The following LGSN variants were observed in gnomAD, a reference collection of about 807,000 sequenced individuals.
LGSN encodes lengsin, lens protein with glutamine synthetase domain.
LGSN carries 21 observed loss-of-function variants against 19.5 expected under a neutral mutation model. That is an observed-to-expected ratio of 1.07 (90% CI 0.76 to 1.55). LGSN has a LOEUF of 1.55. LGSN is among the 40% of genes most tolerant of loss of function. The pLI, the probability that LGSN is intolerant of heterozygous loss-of-function variation, is 0.00. For missense variants in LGSN, 673 were observed against 608.5 expected, an observed-to-expected ratio of 1.11 and a Z score of -1.12; for synonymous variants, 257 against 215.6, an observed-to-expected ratio of 1.19 and a Z score of -1.68.
At chr6:63,535,999 G>A in the LGSN span, among the ~76,000 whole-genome samples, 1 of 151,264 alleles carries the variant, frequency 6.6e-6, no homozygotes, top group Admixed American at 6.6e-5. Context: ...CCTGGAACTC[G>A]TGACATCAGG....
chr6:63,511,246 C>A, the LGSN span, among the ~76,000 whole-genome samples: 3 of 131,480 alleles, frequency 2.3e-5, no homozygotes, highest in Non-Finnish European at 3.3e-5. Context: ...AAATAGATTT[C>A]TTTTTTTTTT....
chr6:63,475,094 T>C, the LGSN span, among the ~76,000 whole-genome samples: 1 of 152,086 alleles, frequency 6.6e-6, no homozygotes, highest in Admixed American at 6.6e-5. Context: ...ATGACCTCTA[T>C]AAGGACAAAA....
the LGSN span, among the ~76,000 whole-genome samples, chr6:63,444,431 G>C: frequency 1.3e-5 from 2 of 152,160 alleles, no homozygotes; most frequent in African/African-American, 4.8e-5. Flanking sequence ...AATGCAAGAA[G>C]ACTGTTACAC....
At chr6:63,390,214 C>T in the LGSN span, among the ~76,000 whole-genome samples, 13 of 144,380 alleles carry the variant, frequency 9.0e-5, no homozygotes, top group East Asian at 2.6e-3. Flanking sequence ...ACTGCAACCT[C>T]CTTCTTCCAG....
intron 1 of LGSN, among the ~76,000 whole-genome samples, chr6:63,299,481 T>G (rs1768102968): frequency 1.3e-5 from 2 of 152,178 alleles, no homozygotes; most frequent in African/African-American, 2.4e-5. Context: ...GCTGTATGCA[T>G]TTGAGAGATA....
the LGSN span, among the ~76,000 whole-genome samples, chr6:63,339,620 T>C: frequency 6.6e-6 from 1 of 152,186 alleles, no homozygotes; most frequent in African/African-American, 2.4e-5. Flanking sequence ...TTGGTTTTTT[T>C]CCATCTATTC....
At chr6:63,512,906 T>A in the LGSN span, among the ~76,000 whole-genome samples, 20 of 152,246 alleles carry the variant, frequency 1.3e-4, no homozygotes, top group African/African-American at 4.8e-4. Flanking sequence ...TATTACACGT[T>A]GGGCACTGTT....
the LGSN span, among the ~76,000 whole-genome samples, chr6:63,544,645 A>G: frequency 6.6e-6 from 1 of 152,130 alleles, no homozygotes; most frequent in Non-Finnish European, 1.5e-5. Context: ...TATCTTCTAT[A>G]TGACCTTGAC....
At chr6:63,339,225 T>C in the LGSN span, among the ~76,000 whole-genome samples, 1 of 152,208 alleles carries the variant, frequency 6.6e-6, no homozygotes, top group Non-Finnish European at 1.5e-5. Flanking sequence ...TGATGTTTCT[T>C]TGTTGATTTT....
the LGSN span, among the ~76,000 whole-genome samples, chr6:63,370,169 G>A: frequency 6.6e-6 from 1 of 152,166 alleles, no homozygotes; most frequent in East Asian, 1.9e-4. Context: ...TTCATGCCAG[G>A]TAACATCCCC....
At chr6:63,400,786 G>A in the LGSN span, among the ~76,000 whole-genome samples, 1 of 152,214 alleles carries the variant, frequency 6.6e-6, no homozygotes, top group African/African-American at 2.4e-5. Context: ...CTCAGGTCAG[G>A]AGTTTGAGAC....
chr6:63,559,753 A>G, the LGSN span, among the ~76,000 whole-genome samples: 2 of 148,832 alleles, frequency 1.3e-5, no homozygotes, highest in South Asian at 2.1e-4. Context: ...TCAAAAGAGG[A>G]AAAAAAAAAT....
chr6:63,353,880 A>C, the LGSN span, among the ~76,000 whole-genome samples: 1 of 152,176 alleles, frequency 6.6e-6, no homozygotes, highest in Non-Finnish European at 1.5e-5. Flanking sequence ...AGTTGCCAAG[A>C]ATATACATTG....
the LGSN span, among the ~76,000 whole-genome samples, chr6:63,358,635 T>A: frequency 5.9e-5 from 9 of 152,214 alleles, no homozygotes; most frequent in African/African-American, 2.2e-4. Flanking sequence ...TTTCTGTTTG[T>A]CTGTTATTGG....
chr6:63,362,149 G>A, the LGSN span, among the ~76,000 whole-genome samples: 2 of 152,120 alleles, frequency 1.3e-5, no homozygotes. Flanking sequence ...CCTGCCTGAG[G>A]TTGTTTTACA....
At chr6:63,510,561 C>T in the LGSN span, among the ~76,000 whole-genome samples, 2 of 148,432 alleles carry the variant, frequency 1.3e-5, no homozygotes, top group Non-Finnish European at 3.0e-5. Context: ...TTAATCTCTT[C>T]TCCCCACTTT....
the LGSN span, among the ~76,000 whole-genome samples, chr6:63,334,937 G>A: frequency 4.0e-5 from 6 of 151,714 alleles, no homozygotes; most frequent in Admixed American, 3.3e-4. Context: ...AGGGGTTGAA[G>A]ACCAGCCTGA....
chr6:63,477,304 T>C, the LGSN span, among the ~76,000 whole-genome samples: 1 of 152,246 alleles, frequency 6.6e-6, no homozygotes, highest in African/African-American at 2.4e-5. Flanking sequence ...TAGTTAATTA[T>C]AAATTACCTT....
chr6:63,403,101 C>CACAGAG, the LGSN span, among the ~76,000 whole-genome samples: 1 of 148,762 alleles, frequency 6.7e-6, no homozygotes, highest in African/African-American at 2.5e-5. Context: ...GAGAGAGAGA[C>CACAGAG]AGAGAGAGAG....
Sources: allele counts gnomAD v4.1 joint callset (sites outside exome capture counted in the v4.1 genomes callset), GRCh38; gene constraint gnomAD v4.1.1; transcripts MANE v1.5; gene names NCBI Gene and HGNC (gene_info 2026-07-23, HGNC 2026-07-21).